BTNL3: variants seen among roughly 807,000 people sequenced by gnomAD.
BTNL3 encodes butyrophilin like 3.
Under a neutral mutation model 40.1 loss-of-function variants are expected in BTNL3, and 20 were observed. The ratio of observed to expected loss-of-function variants is 0.50; its 90% CI spans 0.35 to 0.72. BTNL3 has a LOEUF of 0.72. BTNL3 is among the 30% of genes least tolerant of loss of function. The pLI, the probability that BTNL3 is intolerant of heterozygous loss-of-function variation, is 0.01. For synonymous variants in BTNL3, 179 were observed against 222.1 expected, an observed-to-expected ratio of 0.81 and a Z score of 1.73; for missense variants, 449 against 582.2, an observed-to-expected ratio of 0.77 and a Z score of 2.35.
At chr5:181,003,177 G>C (rs73355225) in intron 4 of BTNL3, among the ~76,000 whole-genome samples, 1 of 134,664 alleles carries the variant, frequency 7.4e-6, no homozygotes, top group Admixed American at 7.9e-5. Flanking sequence ...GCAACATGGC[G>C]AGAACTCCTC....
chr5:180,992,750 C>T, intron 1 of BTNL3, 63 bp from the exon 2 acceptor site: 2 of 1,438,406 alleles, frequency 1.4e-6, no homozygotes, highest in Middle Eastern at 2.3e-4. Context: ...TCTCCACCCA[C>T]CAGAGCCCTG....
chr5:181,002,747 T>C lies in BTNL3; in HGVS notation c.749T>C (p.Val250Ala), dbSNP rs751732665. 6.9e-7 allele frequency: 1 copy of C among 1,455,588 alleles called. No homozygotes were observed. Among genetic ancestry groups the C allele is most frequent in the Non-Finnish European group, 9.5e-7 (1 of 1,054,904 alleles). 90.2% of individuals were successfully genotyped at this position (1,455,588 alleles called of 1,614,324 possible). ...TTACTCTGTGGTGCCCTGTGTGGTGTTGTCATGGGGATGATAATTGTTTTC... is the reference window on the plus strand; with the variant it reads ...TTACTCTGTGGTGCCCTGTGTGGTGCTGTCATGGGGATGATAATTGTTTTC... ...LGLLCGALCG[V>A]VMGMIIVFFK... Residue 250 changes from valine (V) to alanine (A), a missense_variant, in exon 4 of 8, where the codon GTT (valine) becomes GCT (alanine). Transcript: ENST00000342868.
At chr5:181,005,271 T>C in intron 7 of BTNL3, 63 bp from the exon 8 acceptor site, 1 of 1,596,038 alleles carries the variant, frequency 6.3e-7, no homozygotes, top group East Asian at 2.2e-5. Flanking sequence ...GGTCGACCTC[T>C]TGCTCCAGCC....
chr5:181,002,084 G>C (rs1262032400), intron 3 of BTNL3, among the ~76,000 whole-genome samples: 1 of 133,854 alleles, frequency 7.5e-6, no homozygotes, highest in African/African-American at 2.6e-5. Context: ...AGCAAGCTAA[G>C]AAGCTTAGTC....
intron 1 of BTNL3, among the ~76,000 whole-genome samples, chr5:180,990,658 A>G (rs1362823476): frequency 7.2e-6 from 1 of 137,960 alleles, no homozygotes; most frequent in African/African-American, 2.5e-5. Flanking sequence ...TGAGAGTCTC[A>G]CACAGCCTTG....
rs1421005029 is a variant in BTNL3 at position 181,005,817 on chromosome 5, T to C, written c.1346T>C (p.Met449Thr). ...TTGAGACCCTATATCCAGCATGCGATGTATGACGAGGAAAAGGGGACTCCC... is the reference window on the plus strand; with the variant it reads ...TTGAGACCCTATATCCAGCATGCGACGTATGACGAGGAAAAGGGGACTCCC... ...GLLRPYIQHA[M>T]YDEEKGTPIF... Residue 449 changes from methionine (M) to threonine (T), a missense_variant, in exon 8 of 8, where the codon ATG becomes ACG. Coordinates refer to ENST00000342868, the MANE Select transcript of BTNL3 (RefSeq NM_197975.3). 9 of 1,613,794 alleles carry C rather than the reference T, an allele frequency of 5.6e-6. No homozygotes were observed. The highest frequency in any genetic ancestry group is 3.3e-5 in the South Asian group (3 of 91,056).
rs149018722 is a variant in BTNL3, at chr5:180,996,344, C to T, written c.398-869C>T. ...TGGAGTCACTTCAGTAGTTGCATGG[C>T]GGGTCACTCTCCTCCGGAGTGTTCT... On this transcript the variant is annotated intron_variant, in intron 2 of 7. Transcript: ENST00000342868. Among the ~76,000 whole-genome samples the T allele has an allele frequency of 9.6e-5, 13 of 135,932 alleles. 3 individuals are homozygous for T. Among genetic ancestry groups the T allele is most frequent in the Admixed American group, 1.6e-4 (2 of 12,740 alleles). 89.2% of individuals were successfully genotyped at this position (135,932 alleles called of 152,430 possible). A position where few individuals can be genotyped will look rare whatever the true frequency, so the allele number is the denominator to read the frequency against.
rs777515976 is a variant in BTNL3, at chr5:180,992,887, C to T, written c.124C>T (p.Leu42Phe). ...VGEDAVFSCS[L>F]FPETSAEAME... ...GGAGGACGCCGTGTTCTCCTGCTCC[C>T]TCTTTCCTGAGACCAGTGCAGAGGC... Residue 42 changes from leucine (L) to phenylalanine (F), a missense_variant, in exon 2 of 8, where the codon CTC becomes TTC. This residue lies in a region of BTNL3 where 323 missense variants were observed against 464.9 expected (regional missense o/e 0.69). Transcript: ENST00000342868. The T allele has an allele frequency of 2.9e-5, 43 of 1,463,354 alleles. 3 individuals carry two copies. The African/African-American group carries it at 5.2e-4, about 18-fold the overall frequency. 90.6% of individuals were successfully genotyped at this position (1,463,354 alleles called of 1,614,324 possible).
At position 180,989,085 on chromosome 5, in the gene BTNL3, T is replaced by C. The variant is rs765297101; in HGVS notation, c.49+8T>C. On this transcript the variant is annotated splice_region_variant and intron_variant, in intron 1 of 7. Coordinates refer to ENST00000342868, the MANE Select transcript of BTNL3 (RefSeq NM_197975.3). The stretch of plus-strand genomic sequence containing the variant: ...TCTACGAGCTGGTGTCAGGTAAGCC[T>C]TTCAGTTTGGACTGTTGTTTTTCTC... 1.2e-5 allele frequency: 17 copies of C among 1,439,482 alleles called. 6 individuals are homozygous for C. Among genetic ancestry groups the C allele is most frequent in the Non-Finnish European group, 1.6e-5 (17 of 1,046,558 alleles). 89.2% of individuals were successfully genotyped at this position (1,439,482 alleles called of 1,614,324 possible).
Position 181,005,941 on chromosome 5 carries a change from G to A in BTNL3, c.*69G>A, listed in dbSNP as rs762094725. 1.8e-5 allele frequency: 26 copies of A among 1,465,184 alleles called. No homozygotes were observed. The highest frequency in any genetic ancestry group is 1.3e-4 in the African/African-American group (9 of 70,476). 90.8% of individuals were successfully genotyped at this position (1,465,184 alleles called of 1,614,324 possible). A position where few individuals can be genotyped will look rare whatever the true frequency, so the allele number is the denominator to read the frequency against. On this transcript the variant is annotated 3_prime_UTR_variant, in exon 8 of 8. Transcript: ENST00000342868. ...GACACAGCCAAGGGAGAGTGCTCCC[G>A]ACAGGTGGCCCCAGCTTCCTCTCCG...
chr5:181,003,834 G>A (rs977712013), intron 4 of BTNL3, 22 bp from the exon 5 acceptor site: 8 of 1,613,990 alleles, frequency 5.0e-6, no homozygotes, highest in African/African-American at 1.3e-5. Flanking sequence ...GTCCACCACT[G>A]AATATACTGT....
At position 181,005,967 on chromosome 5, in the gene BTNL3, G is replaced by T; in HGVS notation, c.*95G>T. ...ACAGGTGGCCCCAGCTTCCTCTCCG[G>T]AGCCTGCGCACAGAGAGTCACGCCC... is the stretch of plus-strand genomic sequence containing the variant. On this transcript the variant is annotated 3_prime_UTR_variant, in exon 8 of 8. Transcript: ENST00000342868. 1 of 1,340,894 alleles carries T rather than the reference G, an allele frequency of 7.5e-7. No individual in the cohort carries two copies. 83.1% of individuals were successfully genotyped at this position (1,340,894 alleles called of 1,614,324 possible). A position where few individuals can be genotyped will look rare whatever the true frequency, so the allele number is the denominator to read the frequency against.
intron 7 of BTNL3, 116 bp from the exon 8 acceptor site, chr5:181,005,218 T>C: frequency 6.5e-7 from 1 of 1,538,444 alleles, no homozygotes; most frequent in Non-Finnish European, 8.8e-7. Context: ...GGTGGGATAG[T>C]GGGACTGGCC....
In BTNL3 at chr5:180,993,091, G is replaced by A. The variant is rs763949226; in HGVS notation, c.328G>A (p.Gly110Ser). 1.4e-5 allele frequency: 20 copies of A among 1,451,880 alleles called. 4 individuals are homozygous for A. The Admixed American group carries it at 3.1e-4, about 23-fold the overall frequency. The allele number at this position is 1,451,880 out of a possible 1,614,324, so 89.9% of individuals were successfully genotyped here. ...AAAAAACATCACTCCCTCGGACATC[G>A]GCCTGTATGGGTGCTGGTTCAGTTC... ...RLKNITPSDI[G>S]LYGCWFSSQI... The change falls in exon 2 of 8, where the codon GGC becomes AGC. Residue 110 changes from glycine (G) to serine (S), a missense_variant. Gly to Ser is a moderately conservative substitution (Grantham distance 56). Coordinates refer to ENST00000342868, the MANE Select transcript of BTNL3 (RefSeq NM_197975.3).
chr5:181,005,854 T>C lies in BTNL3; in HGVS notation c.1383T>C (p.Cys461=). ...DEEKGTPIFI[C]PVSWG ...AAAAGGGGACTCCCATATTCATATG[T>C]CCAGTGTCCTGGGGATGAGACAGAG... Residue 461 remains cysteine, a synonymous_variant, in exon 8 of 8, where the codon TGT becomes TGC. Transcript: ENST00000342868. 1 of 1,607,458 alleles carries C rather than the reference T, an allele frequency of 6.2e-7. No individual in the cohort carries two copies. The highest frequency in any genetic ancestry group is 8.5e-7 in the Non-Finnish European group (1 of 1,176,502).
At position 181,006,286 on chromosome 5, in the gene BTNL3, G is replaced by A; in HGVS notation, c.*414G>A. 1 of 364,574 alleles carries A rather than the reference G, an allele frequency of 2.7e-6. No homozygotes were observed. The highest frequency in any genetic ancestry group is 4.1e-5 in the East Asian group (1 of 24,250). 22.6% of individuals were successfully genotyped at this position (364,574 alleles called of 1,614,324 possible). On this transcript the variant is annotated 3_prime_UTR_variant, in exon 8 of 8. Transcript: ENST00000342868. Reference sequence around the variant, plus strand: ...CAACGAATGTGAATCATGCTTGCAGGTTTGAGGGCACAGTGTTTGCTAATG... The same window carrying A: ...CAACGAATGTGAATCATGCTTGCAGATTTGAGGGCACAGTGTTTGCTAATG...
At chr5:181,000,408 A>G (rs1247796780) in intron 3 of BTNL3, among the ~76,000 whole-genome samples, 1 of 137,450 alleles carries the variant, frequency 7.3e-6, no homozygotes, top group Non-Finnish European at 1.7e-5. Context: ...GCTTAATCTG[A>G]TAAAAAGATA....
At chr5:180,989,133 T>G in intron 1 of BTNL3, 56 bp downstream of exon 1, 1 of 1,392,068 alleles carries the variant, frequency 7.2e-7, no homozygotes, top group Non-Finnish European at 9.8e-7. Flanking sequence ...TATTTTGAGT[T>G]CATTCATGAC....
In BTNL3 at chr5:181,002,376, G is replaced by GTATATA. The variant is rs55873315; in HGVS notation, c.674-274_674-269dup. Among the ~76,000 whole-genome samples the GTATATA allele has an allele frequency of 2.7e-3, 224 of 81,584 alleles. 17 individuals carry two copies. The East Asian group carries it at 0.029, about 10-fold the overall frequency. 53.5% of individuals were successfully genotyped at this position (81,584 alleles called of 152,430 possible). A position where few individuals can be genotyped will look rare whatever the true frequency, so the allele number is the denominator to read the frequency against. ...CACACACACACACACACGTGTGTGT[G>GTATATA]TATATATATATATATATATATATAT... On this transcript the variant is annotated intron_variant, in intron 3 of 7. Coordinates refer to ENST00000342868, the MANE Select transcript of BTNL3 (RefSeq NM_197975.3).
Sources: gnomAD v4.1 joint callset for allele counts (sites outside exome capture counted in the v4.1 genomes callset) on GRCh38, gnomAD v4.1.1 for gene constraint, gnomAD v4.1.1 regional missense constraint, MANE v1.5 for transcripts, NCBI Gene and HGNC (gene_info 2026-07-23, HGNC 2026-07-21) for gene names.